LSG1: variants seen among roughly 807,000 people sequenced by gnomAD.
LSG1 encodes large subunit GTPase 1 homolog.
A neutral mutation model predicts 82.6 loss-of-function variants in LSG1; 55 were observed. That is an observed-to-expected ratio of 0.67 (90% CI 0.54 to 0.83). The LOEUF (loss-of-function observed/expected upper bound fraction) is 0.83. Ranked by LOEUF, LSG1 falls within the 40% of genes least tolerant of loss-of-function variation. The pLI is 0.00. For synonymous variants in LSG1, 272 were observed against 282.5 expected (o/e 0.96, Z 0.37); for missense variants, 809 against 807.9 (o/e 1.00, Z -0.02).
intron 5 of LSG1, among the ~76,000 whole-genome samples, chr3:194,664,078 T>G (rs1176627526): frequency 2.0e-5 from 3 of 152,128 alleles, no homozygotes; most frequent in Middle Eastern, 3.2e-3. Flanking sequence ...ATTCAAGTGA[T>G]TCTCCTGCCT....
intron 5 of LSG1, among the ~76,000 whole-genome samples, 169 bp from the exon 6 acceptor site, chr3:194,660,302 A>G (rs564391184): frequency 6.6e-6 from 1 of 152,346 alleles, no homozygotes; most frequent in South Asian, 2.1e-4. Context: ...CTTAAGGCTC[A>G]GAGCAGTTAA....
At chr3:194,667,924 A>AG (rs1719062473) in intron 2 of LSG1, among the ~76,000 whole-genome samples, 1 of 56,194 alleles carries the variant, frequency 1.8e-5, no homozygotes, top group South Asian at 5.6e-4. Context: ...ACTCCGTCTC[A>AG]AAAAAAAAAA....
chr3:194,644,390 AT>A (rs58678395), intron 13 of LSG1, among the ~76,000 whole-genome samples, 182 bp downstream of exon 13: 13,575 of 101,404 alleles, frequency 0.13, 1,354 homozygotes, highest in East Asian at 0.32. Context: ...ATAAAAATAA[AT>A]AAATAAATAA....
Position 194,653,239 on chromosome 3 carries a change from G to A in LSG1, c.760-97C>T, listed in dbSNP as rs1359074894. 15 of 1,284,428 alleles carry A rather than the reference G, an allele frequency of 1.2e-5. No homozygotes were observed. The East Asian group carries it at 2.3e-4, about 20-fold the overall frequency. The allele number at this position is 1,284,428 out of a possible 1,614,324, so 79.6% of individuals were successfully genotyped here. Reference sequence around the variant, plus strand: ...TGTAAGATGGACAGAGGATGGCTGGGCGTGGTGGCTCAAGCCTGTAATCCC... The same window carrying A: ...TGTAAGATGGACAGAGGATGGCTGGACGTGGTGGCTCAAGCCTGTAATCCC... On this transcript the variant is annotated intron_variant, in intron 7 of 13. Transcript: ENST00000265245.
At chr3:194,645,589 C>CACACACACACACACACACAG (rs1718531223) in intron 12 of LSG1, among the ~76,000 whole-genome samples, 1 of 93,340 alleles carries the variant, frequency 1.1e-5, no homozygotes, top group African/African-American at 4.9e-5. Flanking sequence ...CACACACACA[C>CACACACACACACACACACAG]ACACACACAC....
At chr3:194,671,473 G>A (rs909093920) in intron 1 of LSG1, among the ~76,000 whole-genome samples, 1 of 152,098 alleles carries the variant, frequency 6.6e-6, no homozygotes, top group Non-Finnish European at 1.5e-5. Context: ...ATTCATTCCC[G>A]GGGGAATGAA....
chr3:194,666,363 A>T, intron 3 of LSG1, 74 bp from the exon 4 acceptor site: 1 of 1,598,356 alleles, frequency 6.3e-7, no homozygotes, highest in East Asian at 2.2e-5. Flanking sequence ...GGATCTAATA[A>T]TGGCAGCTGA....
intron 7 of LSG1, among the ~76,000 whole-genome samples, 178 bp from the exon 8 acceptor site, chr3:194,653,320 C>G (rs9829188): frequency 0.61 from 93,224 of 151,730 alleles, 30,266 homozygotes; most frequent in East Asian, 0.87. Context: ...TTTGAGACCA[C>G]GCTGACCAAC....
At position 194,650,975 on chromosome 3, in the gene LSG1, A is replaced by G. The variant is rs756974251; in HGVS notation, c.1325T>C (p.Val442Ala). The change falls in exon 10 of 14, where the codon GTG becomes GCG. Residue 442 changes from valine (V) to alanine (A), a missense_variant. Physicochemically the swap from Val to Ala is moderately conservative, Grantham distance 64. Transcript: ENST00000265245. The part of the protein sequence containing the change: ...GLCLCDCPGL[V>A]MPSFVSTKAE... ...CTTGGTAGACACAAAAGATGGCATC[A>G]CCAAGCCAGGACAGTCACACAGGCA... The G allele has an allele frequency of 6.2e-7, 1 of 1,614,234 alleles. No homozygotes were observed. Among genetic ancestry groups the G allele is most frequent in the Non-Finnish European group, 8.5e-7 (1 of 1,180,038 alleles).
chr3:194,652,693 C>T, intron 8 of LSG1, 36 bp downstream of exon 8: 2 of 1,578,278 alleles, frequency 1.3e-6, no homozygotes, highest in Non-Finnish European at 1.7e-6. Context: ...TAAAGACAAT[C>T]ACGTGGTAAC....
chr3:194,646,367 T>C (rs1209747236), intron 11 of LSG1, 124 bp from the exon 12 acceptor site: 3 of 664,396 alleles, frequency 4.5e-6, no homozygotes, highest in Non-Finnish European at 8.1e-6. Context: ...TTAGGTATCA[T>C]TGTAGAATAT....
At chr3:194,657,760 A>G (rs1718829713) in intron 7 of LSG1, among the ~76,000 whole-genome samples, 1 of 152,186 alleles carries the variant, frequency 6.6e-6, no homozygotes, top group African/African-American at 2.4e-5. Context: ...CAGCTGCAGG[A>G]GAGAACCGAA....
chr3:194,665,772 T>C, intron 4 of LSG1, 129 bp from the exon 5 acceptor site: 1 of 577,978 alleles, frequency 1.7e-6, no homozygotes, highest in East Asian at 2.9e-5. Context: ...AATTATTTTA[T>C]ATATTTCCTG....
intron 7 of LSG1, among the ~76,000 whole-genome samples, chr3:194,658,755 T>C (rs1425707898): frequency 1.3e-5 from 2 of 152,166 alleles, no homozygotes; most frequent in African/African-American, 2.4e-5. Flanking sequence ...GTAACAACAC[T>C]GGAGAGGTCA....
intron 5 of LSG1, among the ~76,000 whole-genome samples, chr3:194,665,038 C>T (rs1358986221): frequency 1.3e-5 from 2 of 152,246 alleles, no homozygotes; most frequent in Non-Finnish European, 1.5e-5. Context: ...TTTCTATCTG[C>T]AGCAAAGCAG....
intron 6 of LSG1, among the ~76,000 whole-genome samples, 160 bp downstream of exon 6, chr3:194,659,913 A>G (rs890664666): frequency 6.6e-6 from 1 of 152,228 alleles, no homozygotes; most frequent in African/African-American, 2.4e-5. Flanking sequence ...ATCTGTCTCA[A>G]CAGTGGCGTT....
chr3:194,653,129 CTGTT>C lies in LSG1; in HGVS notation c.769_772del (p.Asn257GlufsTer125). ...GGTTGTGTTGCTTTGTCTATCATCT[CTGTT>C]TGCCTCTTCCTGACAAAATAATAGA... On this transcript the variant is annotated frameshift_variant, in exon 8 of 14. Transcript: ENST00000265245. LOFTEE classifies it high-confidence loss of function. The C allele has an allele frequency of 6.2e-7, 1 of 1,613,354 alleles. No homozygotes were observed. The highest frequency in any genetic ancestry group is 8.5e-7 in the Non-Finnish European group (1 of 1,179,432).
At chr3:194,669,196 T>C (rs1719091392) in intron 2 of LSG1, among the ~76,000 whole-genome samples, 1 of 152,216 alleles carries the variant, frequency 6.6e-6, no homozygotes, top group Admixed American at 6.5e-5. Context: ...ATATATCTTG[T>C]TCTCACCGCA....
intron 5 of LSG1, among the ~76,000 whole-genome samples, chr3:194,661,432 A>G (rs1161738226): frequency 1.3e-5 from 2 of 152,244 alleles, no homozygotes; most frequent in Non-Finnish European, 2.9e-5. Flanking sequence ...AAGAAAAGAC[A>G]TTTCAAGACA....
Sources: allele counts gnomAD v4.1 joint callset (sites outside exome capture counted in the v4.1 genomes callset), GRCh38; gene constraint gnomAD v4.1.1; transcripts MANE v1.5; gene names NCBI Gene and HGNC (gene_info 2026-07-23, HGNC 2026-07-21).